CECR2: variants seen among roughly 807,000 people sequenced by gnomAD.
The protein encoded by CECR2 is chromatin remodeling regulator CECR2.
A neutral mutation model predicts 154.5 loss-of-function variants in CECR2; 30 were observed. The observed-to-expected ratio is 0.19, with a 90% CI of 0.15 to 0.26. CECR2 has a LOEUF of 0.26. Ranked by LOEUF, CECR2 falls within the 10% of genes least tolerant of loss-of-function variation. CECR2 has a pLI of 1.00. For missense variants in CECR2, 1,743 were observed against 1,829.3 expected (o/e 0.95, Z 0.86); for synonymous variants, 725 against 683.7 (o/e 1.06, Z -0.94).
At chr22:17,429,665 T>C (rs2054391761) in intron 1 of CECR2, among the ~76,000 whole-genome samples, 2 of 152,104 alleles carry the variant, frequency 1.3e-5, no homozygotes, top group African/African-American at 2.4e-5. Context: ...AAAAAGGAAC[T>C]ATACAGCGTT....
chr22:17,360,874 C>A (rs1460238888), intron 1 of CECR2, among the ~76,000 whole-genome samples: 1 of 150,448 alleles, frequency 6.6e-6, no homozygotes, highest in Non-Finnish European at 1.5e-5. Context: ...AAACAAAAAA[C>A]CCACTAGGCT....
chr22:17,545,674 C>G (rs1424821385), intron 16 of CECR2, among the ~76,000 whole-genome samples: 1 of 151,636 alleles, frequency 6.6e-6, no homozygotes, highest in Admixed American at 6.6e-5. Flanking sequence ...GAAACTCTGT[C>G]TCTACTAAAA....
chr22:17,441,992 G>A (rs948064294), intron 1 of CECR2, among the ~76,000 whole-genome samples: 2 of 152,158 alleles, frequency 1.3e-5, no homozygotes, highest in Admixed American at 6.5e-5. Flanking sequence ...TGCAGGAAGC[G>A]GGTGGCAGAC....
At position 17,430,898 on chromosome 22, in the gene CECR2, A is replaced by G. The variant is rs944729903; in HGVS notation, c.127-46690A>G. On this transcript the variant is annotated intron_variant, in intron 1 of 18. Transcript: ENST00000262608. ...ATATATATAATTATTTACCATGATT[A>G]TGCTAATGCACATCATTAAACCAGA... is the stretch of plus-strand genomic sequence containing the variant. Among the ~76,000 whole-genome samples the G allele has an allele frequency of 3.3e-4, 51 of 152,340 alleles. 1 individual carries two copies. The Middle Eastern group carries it at 0.01, about 30-fold the overall frequency.
intron 1 of CECR2, among the ~76,000 whole-genome samples, chr22:17,374,411 C>T (rs1381249844): frequency 1.3e-5 from 2 of 152,162 alleles, no homozygotes; most frequent in East Asian, 1.9e-4. Flanking sequence ...CTAAAAGAAA[C>T]TTGTAAGTAC....
At chr22:17,531,384 A>G (rs1222833637) in intron 9 of CECR2, among the ~76,000 whole-genome samples, 1 of 152,204 alleles carries the variant, frequency 6.6e-6, no homozygotes, top group East Asian at 1.9e-4. Context: ...CAGCAAGCAA[A>G]TGGAAGGAAA....
intron 1 of CECR2, chr22:17,424,353 AG>A (rs899993906): frequency 4.1e-5 from 7 of 172,064 alleles, no homozygotes; most frequent in African/African-American, 1.7e-4. Flanking sequence ...ATGTAGAAAA[AG>A]GGATTCCTCC....
intron 17 of CECR2, among the ~76,000 whole-genome samples, chr22:17,550,671 G>A (rs1400476074): frequency 2.6e-5 from 4 of 152,136 alleles, no homozygotes; most frequent in Admixed American, 6.6e-5. Context: ...GGCCAGGCGC[G>A]GTGGCTCACA....
At chr22:17,476,181 T>C (rs2146788740) in intron 1 of CECR2, among the ~76,000 whole-genome samples, 1 of 149,692 alleles carries the variant, frequency 6.7e-6, no homozygotes, top group African/African-American at 2.5e-5. Context: ...TCTCACGAAA[T>C]CTCCCAGGCT....
chr22:17,486,156 T>A (rs899085119), intron 2 of CECR2, among the ~76,000 whole-genome samples: 1 of 152,186 alleles, frequency 6.6e-6, no homozygotes, highest in African/African-American at 2.4e-5. Flanking sequence ...AAAGGGTTTT[T>A]AAATCCTAGA....
At chr22:17,530,311 A>G (rs978321451) in intron 9 of CECR2, among the ~76,000 whole-genome samples, 2 of 151,728 alleles carry the variant, frequency 1.3e-5, no homozygotes, top group Non-Finnish European at 2.9e-5. Context: ...ATGACTGCAT[A>G]CTTTCAAGGA....
chr22:17,480,855 T>TTC (rs2055298090), intron 2 of CECR2, among the ~76,000 whole-genome samples: 1 of 149,474 alleles, frequency 6.7e-6, no homozygotes, highest in Non-Finnish European at 1.5e-5. Context: ...GTCTGGCCAA[T>TTC]GTGATGAAAC....
intron 8 of CECR2, among the ~76,000 whole-genome samples, chr22:17,519,281 A>C (rs1359393454): frequency 7.0e-6 from 1 of 142,000 alleles, no homozygotes; most frequent in Non-Finnish European, 1.5e-5. Context: ...AAGTTCCCTC[A>C]GGTGTTTTGT....
At chr22:17,446,094 T>C (rs547213743) in intron 1 of CECR2, among the ~76,000 whole-genome samples, 4 of 152,240 alleles carry the variant, frequency 2.6e-5, no homozygotes, top group African/African-American at 9.6e-5. Flanking sequence ...GGAGCTTGTT[T>C]ACAGATACCT....
intron 8 of CECR2, among the ~76,000 whole-genome samples, chr22:17,520,078 C>T (rs879416207): frequency 2.0e-5 from 3 of 152,110 alleles, no homozygotes; most frequent in East Asian, 1.9e-4. Flanking sequence ...CGTGAGCCAC[C>T]GTGCCTGGCC....
chr22:17,418,468 C>A (rs2054187762), intron 1 of CECR2, among the ~76,000 whole-genome samples: 1 of 152,054 alleles, frequency 6.6e-6, no homozygotes, highest in Non-Finnish European at 1.5e-5. Flanking sequence ...TATTGCACCT[C>A]TTGTCAGAAA....
At chr22:17,450,815 T>C (rs1416154633) in intron 1 of CECR2, among the ~76,000 whole-genome samples, 3 of 152,260 alleles carry the variant, frequency 2.0e-5, no homozygotes, top group African/African-American at 7.2e-5. Flanking sequence ...TTTCTGCTTT[T>C]CTTTCACCTT....
chr22:17,530,231 T>C lies in CECR2; in HGVS notation c.1108+5960T>C, dbSNP rs139013887. ...ACCCATACTTTTGTTGTTGCTGCTG[T>C]TGTTGTTGTTTTGAGACGGAGTGTC... On this transcript the variant is annotated intron_variant, in intron 9 of 18. Coordinates refer to ENST00000262608, the MANE Select transcript of CECR2 (RefSeq NM_001290047.2). 3.1e-3 allele frequency among the ~76,000 whole-genome samples: 468 copies of C among 151,714 alleles called. 3 individuals carry two copies. Among genetic ancestry groups the C allele is most frequent in the African/African-American group, 8.6e-3 (356 of 41,396 alleles).
intron 2 of CECR2, among the ~76,000 whole-genome samples, chr22:17,480,419 T>TAGAC: frequency 7.3e-6 from 1 of 137,340 alleles, no homozygotes; most frequent in South Asian, 2.5e-4. Context: ...TCATGTATAA[T>TAGAC]ACACACACAC....
Sources: gnomAD v4.1 joint callset for allele counts (sites outside exome capture counted in the v4.1 genomes callset) on GRCh38, gnomAD v4.1.1 for gene constraint, MANE v1.5 for transcripts, NCBI Gene and HGNC (gene_info 2026-07-23, HGNC 2026-07-21) for gene names.